The following KATNAL1 variants were observed in gnomAD, a reference collection of about 807,000 sequenced individuals.
KATNAL1 encodes the protein katanin catalytic subunit A1 like 1.
In KATNAL1, 32 loss-of-function variants were observed where a neutral mutation model predicts 55.2. The ratio of observed to expected loss-of-function variants is 0.58; its 90% confidence interval spans 0.44 to 0.78. KATNAL1 has a LOEUF of 0.78. KATNAL1 is among the 30% of genes least tolerant of loss of function. The pLI is 0.00. For synonymous variants in KATNAL1, 193 were observed against 193.6 expected, an observed-to-expected ratio of 1.00 and a Z score of 0.02; for missense variants, 466 against 600.9, an observed-to-expected ratio of 0.78 and a Z score of 2.35.
In KATNAL1 at chr13:30,230,581, G is replaced by T; in HGVS notation, c.899C>A (p.Ala300Asp). Residue 300 changes from alanine to aspartate, a missense_variant, in exon 8 of 11, where the codon GCC becomes GAC. By Grantham distance (126) the Ala-to-Asp change is moderately radical (BLOSUM62 -2). Coordinates refer to ENST00000380615, the MANE Select transcript of KATNAL1 (RefSeq NM_032116.5). ...CTCATCAATGAAGATCGTGGTAGGG[G>T]CATAAAATCTAGCCTTTATGAAAAT... ...RLLFEMARFY[A>D]PTTIFIDEID... The T allele has an allele frequency of 6.2e-7, 1 of 1,601,248 alleles. No individual in the cohort carries two copies.
At position 30,227,454 on chromosome 13, in the gene KATNAL1, G is replaced by T; in HGVS notation, c.1105C>A (p.Arg369=). The T allele has an allele frequency of 1.2e-6, 2 of 1,613,698 alleles. No individual in the cohort carries two copies. Among genetic ancestry groups the T allele is most frequent in the Non-Finnish European group, 1.7e-6 (2 of 1,179,720 alleles). Residue 369 remains arginine (R), a synonymous_variant, in exon 9 of 11, where the codon CGA becomes AGA. Coordinates refer to ENST00000380615, the MANE Select transcript of KATNAL1 (RefSeq NM_032116.5). ...TATATCCTTTTTTCTAACCTTCTTC[G>T]CAAAGCTTCATCAATGTCCCACGGG... ...NFPWDIDEAL[R]RRLEKRIYIP...
At chr13:30,216,855 AC>A (rs1346917635) in intron 9 of KATNAL1, among the ~76,000 whole-genome samples, 2 of 152,222 alleles carry the variant, frequency 1.3e-5, no homozygotes, top group African/African-American at 4.8e-5. Flanking sequence ...TTTCATTCTT[AC>A]AGACCCAATA....
At chr13:30,277,489 G>A (rs1203259345) in intron 3 of KATNAL1, among the ~76,000 whole-genome samples, 2 of 152,168 alleles carry the variant, frequency 1.3e-5, no homozygotes, top group African/African-American at 2.4e-5. Flanking sequence ...AATATCCAAT[G>A]ACTGTTATCT....
chr13:30,305,289 C>A (rs1437630725), intron 1 of KATNAL1, among the ~76,000 whole-genome samples: 4 of 152,222 alleles, frequency 2.6e-5, no homozygotes, highest in Non-Finnish European at 5.9e-5. Context: ...AACTACCTAG[C>A]GTTTCCCAAA....
chr13:30,296,636 C>A, intron 1 of KATNAL1: 1 of 693,600 alleles, frequency 1.4e-6, no homozygotes, highest in Non-Finnish European at 2.7e-6. Flanking sequence ...AGTACACGGA[C>A]GAGCACAGGG....
At chr13:30,269,594 C>G (rs535507061) in intron 3 of KATNAL1, among the ~76,000 whole-genome samples, 1 of 151,570 alleles carries the variant, frequency 6.6e-6, no homozygotes, top group Non-Finnish European at 1.5e-5. Flanking sequence ...AGGAGCGTCT[C>G]TGCCCGGCCG....
At chr13:30,256,827 A>G in intron 3 of KATNAL1, among the ~76,000 whole-genome samples, 1 of 152,236 alleles carries the variant, frequency 6.6e-6, no homozygotes, top group Non-Finnish European at 1.5e-5. Flanking sequence ...CTATGAGGTA[A>G]ACATACACTG....
At position 30,255,618 on chromosome 13, in the gene KATNAL1, G is replaced by GAA; in HGVS notation, c.324-4_324-3insTT. ...GACGCCTGATCTGAGGTGGAGCTCTGACAAAAAAAAAAAAAAAAAAATTAA... is the reference window on the plus strand; with the variant it reads ...GACGCCTGATCTGAGGTGGAGCTCTGAAACAAAAAAAAAAAAAAAAAAATTAA... On this transcript the variant is annotated splice_polypyrimidine_tract_variant and splice_region_variant and intron_variant, in intron 3 of 10. Transcript: ENST00000380615. The GAA allele has an allele frequency of 9.4e-7, 1 of 1,058,556 alleles. No individual in the cohort carries two copies. The highest frequency in any genetic ancestry group is 3.5e-5 in the South Asian group (1 of 28,620). The allele number at this position is 1,058,556 out of a possible 1,614,324, so 65.6% of individuals were successfully genotyped here. A position where few individuals can be genotyped will look rare whatever the true frequency, so the allele number is the denominator to read the frequency against.
intron 6 of KATNAL1, 105 bp downstream of exon 6, chr13:30,240,355 A>G: frequency 2.6e-6 from 2 of 767,638 alleles, no homozygotes; most frequent in Admixed American, 4.7e-5. Context: ...ACTTCTCCCA[A>G]CCTTTTCAAA....
At chr13:30,258,813 G>A (rs994461715) in intron 3 of KATNAL1, among the ~76,000 whole-genome samples, 4 of 151,986 alleles carry the variant, frequency 2.6e-5, no homozygotes, top group Admixed American at 6.5e-5. Flanking sequence ...TTTACTGATA[G>A]GACCCACCTT....
intron 4 of KATNAL1, among the ~76,000 whole-genome samples, chr13:30,249,154 C>T (rs1436047500): frequency 6.6e-6 from 1 of 151,958 alleles, no homozygotes; most frequent in East Asian, 1.9e-4. Flanking sequence ...ATTGCTTGAA[C>T]CTGGGAGGCG....
At chr13:30,296,417 C>A in intron 1 of KATNAL1, 1 of 924,438 alleles carries the variant, frequency 1.1e-6, no homozygotes, top group Non-Finnish European at 1.8e-6. Context: ...TAACATCCCC[C>A]GGAAGGAGGG....
intron 4 of KATNAL1, among the ~76,000 whole-genome samples, chr13:30,250,141 C>G (rs1180176810): frequency 6.6e-6 from 1 of 152,116 alleles, no homozygotes; most frequent in Non-Finnish European, 1.5e-5. Flanking sequence ...ATCCATCATA[C>G]AGGTGGTATT....
At chr13:30,285,130 G>A (rs902872106) in intron 1 of KATNAL1, among the ~76,000 whole-genome samples, 2 of 152,092 alleles carry the variant, frequency 1.3e-5, no homozygotes, top group East Asian at 3.8e-4. Flanking sequence ...ACCATCACTA[G>A]TTCTAGGCAT....
chr13:30,277,740 T>C (rs1166347993), intron 3 of KATNAL1, among the ~76,000 whole-genome samples: 1 of 152,006 alleles, frequency 6.6e-6, no homozygotes, highest in African/African-American at 2.4e-5. Flanking sequence ...TCCCAGCACT[T>C]TGGGAGGCCG....
At chr13:30,226,427 G>A (rs943026815) in intron 9 of KATNAL1, among the ~76,000 whole-genome samples, 2 of 152,188 alleles carry the variant, frequency 1.3e-5, no homozygotes, top group Admixed American at 1.3e-4. Context: ...CCAGGAATAA[G>A]CTGCTGATAC....
At chr13:30,239,265 C>T (rs1296776127) in intron 6 of KATNAL1, among the ~76,000 whole-genome samples, 4 of 152,114 alleles carry the variant, frequency 2.6e-5, no homozygotes, top group Non-Finnish European at 4.4e-5. Context: ...CAAAAATTAG[C>T]TGGGCATGGT....
intron 1 of KATNAL1, among the ~76,000 whole-genome samples, chr13:30,297,310 C>T (rs530085626): frequency 6.6e-6 from 1 of 152,206 alleles, no homozygotes; most frequent in Admixed American, 6.5e-5. Context: ...AGATAAGATC[C>T]CCCCACCAAT....
chr13:30,301,925 G>A (rs1882881504), intron 1 of KATNAL1, among the ~76,000 whole-genome samples: 1 of 152,196 alleles, frequency 6.6e-6, no homozygotes, highest in African/African-American at 2.4e-5. Context: ...AGCCTGGAGT[G>A]CAATGGTGCA....
Sources: allele counts gnomAD v4.1 joint callset (sites outside exome capture counted in the v4.1 genomes callset), GRCh38; gene constraint gnomAD v4.1.1; transcripts MANE v1.5; gene names NCBI Gene and HGNC (gene_info 2026-07-23, HGNC 2026-07-21).